The following GABRA4 variants were observed in gnomAD, a reference collection of about 807,000 sequenced individuals.
The protein encoded by GABRA4 is gamma-aminobutyric acid type A receptor subunit alpha4, also known as gamma-aminobutyric acid receptor subunit alpha-4.
GABRA4 carries 12 observed loss-of-function variants against 49.7 expected under a neutral mutation model. The observed-to-expected ratio is 0.24, with a 90% confidence interval of 0.15 to 0.39. The LOEUF (loss-of-function observed/expected upper bound fraction) is 0.39. Among genes scored for constraint, GABRA4 ranks in the 10% least tolerant of loss-of-function variants. The probability of loss-of-function intolerance (pLI) is 1.00; values close to 1 mark genes in which losing one functional copy is unlikely to be tolerated. For synonymous variants in GABRA4, 288 were observed against 240.2 expected, an observed-to-expected ratio of 1.20 and a Z score of -1.84; for missense variants, 506 against 686.0, an observed-to-expected ratio of 0.74 and a Z score of 2.93.
At chr4:46,965,345 A>G (rs1722717665) in intron 7 of GABRA4, 116 bp from the exon 8 acceptor site, 2 of 811,186 alleles carry the variant, frequency 2.5e-6, no homozygotes, top group South Asian at 4.0e-5. Context: ...CAAAACTACA[A>G]TAACTCAAAG....
At chr4:46,983,967 A>G (rs1723445060) in intron 2 of GABRA4, among the ~76,000 whole-genome samples, 1 of 152,104 alleles carries the variant, frequency 6.6e-6, no homozygotes, top group Admixed American at 6.6e-5. Context: ...GATCAAATTC[A>G]GGGAAATATT....
At chr4:46,980,414 A>C (rs1043999085) in intron 2 of GABRA4, among the ~76,000 whole-genome samples, 1 of 150,506 alleles carries the variant, frequency 6.6e-6, no homozygotes, top group African/African-American at 2.4e-5. Flanking sequence ...GGTATCACTT[A>C]ATTCCTTAGC....
At chr4:46,983,416 A>T (rs1213686735) in intron 2 of GABRA4, among the ~76,000 whole-genome samples, 1 of 152,140 alleles carries the variant, frequency 6.6e-6, no homozygotes, top group Non-Finnish European at 1.5e-5. Flanking sequence ...GTCCCAAACT[A>T]GCACAATGCC....
chr4:46,992,952 A>G lies in GABRA4; in HGVS notation c.87-6T>C, dbSNP rs2109416164. On this transcript the variant is annotated splice_region_variant and splice_polypyrimidine_tract_variant and intron_variant, in intron 1 of 8. Transcript: ENST00000264318. ...GTCCTGGGGATTCGTTTAAACTGCAAGCGAAAAAAAAAAAACCGGGGGCGG... is the reference window on the plus strand; with the variant it reads ...GTCCTGGGGATTCGTTTAAACTGCAGGCGAAAAAAAAAAAACCGGGGGCGG... The G allele has an allele frequency of 6.7e-7, 1 of 1,495,756 alleles. No homozygotes were observed. The highest frequency in any genetic ancestry group is 1.1e-5 in the South Asian group (1 of 88,218). 92.7% of individuals were successfully genotyped at this position (1,495,756 alleles called of 1,614,324 possible). A position where few individuals can be genotyped will look rare whatever the true frequency, so the allele number is the denominator to read the frequency against.
intron 7 of GABRA4, among the ~76,000 whole-genome samples, chr4:46,969,531 T>C (rs1722878364): frequency 6.6e-6 from 1 of 151,520 alleles, no homozygotes; most frequent in Admixed American, 6.6e-5. Context: ...AGTACAACAC[T>C]AGAAAGTTAT....
chr4:46,965,429 T>C (rs924797154), intron 7 of GABRA4, among the ~76,000 whole-genome samples, 200 bp from the exon 8 acceptor site: 5 of 151,976 alleles, frequency 3.3e-5, no homozygotes, highest in African/African-American at 1.2e-4. Flanking sequence ...GTGAAAGATA[T>C]GGTTCTAATC....
chr4:46,919,585 T>C lies in GABRA4; in HGVS notation c.*8640A>G, dbSNP rs759772897. The C allele has an allele frequency of 9.2e-5, 14 of 151,624 alleles. No individual in the cohort carries two copies. The highest frequency in any genetic ancestry group is 1.5e-4 in the Non-Finnish European group (10 of 67,592). The allele number at this position is 151,624 out of a possible 1,614,324, so 9.4% of individuals were successfully genotyped here. A position where few individuals can be genotyped will look rare whatever the true frequency, so the allele number is the denominator to read the frequency against. On this transcript the variant is annotated 3_prime_UTR_variant, in exon 9 of 9. Transcript: ENST00000264318. The stretch of plus-strand genomic sequence containing the variant: ...TTAGTTTTTATGATATGAGGAAATA[T>C]GCATTATTGTTTTTTTACTTCTATA...
intron 8 of GABRA4, among the ~76,000 whole-genome samples, chr4:46,940,247 A>T (rs1721744711): frequency 6.6e-6 from 1 of 152,070 alleles, no homozygotes; most frequent in African/African-American, 2.4e-5. Flanking sequence ...ACTATTCAAG[A>T]TATATGGTAA....
chr4:46,991,711 T>G (rs980154952), intron 2 of GABRA4, among the ~76,000 whole-genome samples: 5 of 152,228 alleles, frequency 3.3e-5, no homozygotes, highest in African/African-American at 1.2e-4. Context: ...CTTACTAACT[T>G]GGAACTTGGA....
At chr4:46,982,038 G>A (rs1298399282) in intron 2 of GABRA4, among the ~76,000 whole-genome samples, 3 of 152,038 alleles carry the variant, frequency 2.0e-5, no homozygotes, top group Admixed American at 2.0e-4. Flanking sequence ...AAAAACCAGA[G>A]TACAGTGGAT....
At chr4:46,985,457 G>A (rs1191295209) in intron 2 of GABRA4, among the ~76,000 whole-genome samples, 1 of 151,860 alleles carries the variant, frequency 6.6e-6, no homozygotes, top group African/African-American at 2.4e-5. Flanking sequence ...GGCTACATAT[G>A]GGCCAATAAT....
At chr4:46,992,066 G>T (rs894340944) in intron 2 of GABRA4, among the ~76,000 whole-genome samples, 1 of 152,144 alleles carries the variant, frequency 6.6e-6, no homozygotes, top group Non-Finnish European at 1.5e-5. Context: ...GTTAAGAATT[G>T]TATCTTAATA....
intron 2 of GABRA4, among the ~76,000 whole-genome samples, chr4:46,989,117 T>C (rs1271617470): frequency 6.6e-6 from 1 of 152,206 alleles, no homozygotes; most frequent in African/African-American, 2.4e-5. Context: ...TGATCTGTAT[T>C]TGGAACGTTT....
chr4:46,925,994 A>G lies in GABRA4; in HGVS notation c.*2231T>C, dbSNP rs1721215706. On this transcript the variant is annotated 3_prime_UTR_variant, in exon 9 of 9. Transcript: ENST00000264318. ...GATTTGTAGAAGAACACTTTTTTTT[A>G]AAGGAAGCCAATGAATAACCAAATA... The G allele has an allele frequency of 2.0e-5, 3 of 151,298 alleles. No homozygotes were observed. The South Asian group carries it at 6.2e-4, about 31-fold the overall frequency. 9.4% of individuals were successfully genotyped at this position (151,298 alleles called of 1,614,324 possible). A position where few individuals can be genotyped will look rare whatever the true frequency, so the allele number is the denominator to read the frequency against.
At chr4:46,941,169 T>C (rs777528443) in intron 8 of GABRA4, among the ~76,000 whole-genome samples, 3 of 151,952 alleles carry the variant, frequency 2.0e-5, no homozygotes, top group East Asian at 1.9e-4. Context: ...AAATATCTAG[T>C]AGGCAGTAAA....
chr4:46,930,623 G>A (rs1197576225), intron 8 of GABRA4, among the ~76,000 whole-genome samples: 3 of 147,622 alleles, frequency 2.0e-5, no homozygotes, highest in African/African-American at 7.5e-5. Context: ...TGGACAAACA[G>A]GAAAGAAATA....
chr4:46,977,147 T>A lies in GABRA4; in HGVS notation c.495-4A>T. On this transcript the variant is annotated splice_polypyrimidine_tract_variant and splice_region_variant and intron_variant, in intron 4 of 8. Transcript: ENST00000264318. ...ACACTCCGCACTTATGGTGAGTCTA[T>A]GATGAAAAATGCAATTAAATAAAAT... is the stretch of plus-strand genomic sequence containing the variant. 6.4e-7 allele frequency: 1 copy of A among 1,569,074 alleles called. No individual in the cohort carries two copies. Among genetic ancestry groups the A allele is most frequent in the Non-Finnish European group, 8.7e-7 (1 of 1,149,274 alleles).
intron 7 of GABRA4, among the ~76,000 whole-genome samples, chr4:46,969,922 C>T (rs1466806965): frequency 6.6e-6 from 1 of 151,432 alleles, no homozygotes; most frequent in African/African-American, 2.4e-5. Flanking sequence ...TATACCTCCT[C>T]ACTGCTTTCC....
intron 7 of GABRA4, 108 bp from the exon 8 acceptor site, chr4:46,965,337 AAACTACAAT>A: frequency 1.1e-6 from 1 of 870,754 alleles, no homozygotes; most frequent in Non-Finnish European, 1.6e-6. Context: ...AGGGTTAACA[AAACTACAAT>A]AACTCAAAGA....
Sources: allele counts gnomAD v4.1 joint callset (sites outside exome capture counted in the v4.1 genomes callset), GRCh38; gene constraint gnomAD v4.1.1; transcripts MANE v1.5; gene names NCBI Gene and HGNC (gene_info 2026-07-23, HGNC 2026-07-21).